Variants in PHC2 observed in about 807,000 individuals in gnomAD.
PHC2 encodes polyhomeotic homolog 2.
PHC2 carries 29 observed loss-of-function variants against 87.4 expected under a neutral mutation model. The ratio of observed to expected loss-of-function variants is 0.33; its 90% CI spans 0.25 to 0.45. The LOEUF is 0.45. Ranked by LOEUF, PHC2 falls within the 20% of genes least tolerant of loss-of-function variation. PHC2 has a pLI of 1.00. For synonymous variants in PHC2, 438 were observed against 461.7 expected, an observed-to-expected ratio of 0.95 and a Z score of 0.66; for missense variants, 857 against 1,136.7, an observed-to-expected ratio of 0.75 and a Z score of 3.54.
intron 1 of PHC2, among the ~76,000 whole-genome samples, chr1:33,399,657 G>T (rs1489215761): frequency 6.6e-6 from 1 of 152,074 alleles, no homozygotes; most frequent in Non-Finnish European, 1.5e-5. Flanking sequence ...CCACTCTTTT[G>T]AAATTTCTAT....
At chr1:33,335,714 A>T (rs1188387556) in intron 9 of PHC2, among the ~76,000 whole-genome samples, 1 of 152,176 alleles carries the variant, frequency 6.6e-6, no homozygotes, top group Admixed American at 6.5e-5. Context: ...AGCCTGGCCA[A>T]CATGGTGAAA....
intron 3 of PHC2, among the ~76,000 whole-genome samples, chr1:33,371,362 C>A (rs540867167): frequency 6.6e-6 from 1 of 152,168 alleles, no homozygotes; most frequent in African/African-American, 2.4e-5. Context: ...TATTAGGCCA[C>A]CGCCTTCGGT....
At chr1:33,372,591 C>A (rs61529623) in intron 2 of PHC2, 144 bp from the exon 3 acceptor site, 49,989 of 615,980 alleles carry the variant, frequency 0.081, 3,835 homozygotes, top group African/African-American at 0.31. Flanking sequence ...CCAATTGTGG[C>A]CACTCTCTAG....
intron 1 of PHC2, among the ~76,000 whole-genome samples, chr1:33,415,322 A>G (rs1026829772): frequency 6.6e-6 from 1 of 152,232 alleles, no homozygotes; most frequent in African/African-American, 2.4e-5. Context: ...GAGTTCTTAC[A>G]GGGCTGTAAA....
At position 33,379,941 on chromosome 1, in the gene PHC2, T is replaced by C. The variant is rs529227631; in HGVS notation, c.-54-4348A>G. Reference sequence around the variant, plus strand: ...CTCCAGCTCTCTCTCCTGTCGCTTGTAGTCTCCCCCTCCCTGAGCATCTGC... The same window carrying C: ...CTCCAGCTCTCTCTCCTGTCGCTTGCAGTCTCCCCCTCCCTGAGCATCTGC... On this transcript the variant is annotated intron_variant, in intron 1 of 14. Coordinates refer to ENST00000683057, the MANE Select transcript of PHC2 (RefSeq NM_001385109.1). Among the ~76,000 whole-genome samples, 501 of 152,276 alleles carry C rather than the reference T, an allele frequency of 3.3e-3. 4 individuals carry two copies. Among genetic ancestry groups the C allele is most frequent in the Non-Finnish European group, 5.1e-3 (346 of 68,010 alleles).
chr1:33,365,889 A>G (rs904540640), intron 7 of PHC2, among the ~76,000 whole-genome samples: 10 of 152,148 alleles, frequency 6.6e-5, no homozygotes, highest in Admixed American at 2.0e-4. Flanking sequence ...GTCAGGTCAC[A>G]TGCTCGTGCC....
intron 12 of PHC2, 67 bp from the exon 13 acceptor site, chr1:33,330,279 G>A: frequency 6.4e-7 from 1 of 1,556,530 alleles, no homozygotes; most frequent in Admixed American, 1.7e-5. Flanking sequence ...GGCAGAATGA[G>A]CACAGCCAAG....
intron 1 of PHC2, among the ~76,000 whole-genome samples, chr1:33,419,737 G>T (rs1650354429): frequency 6.6e-6 from 1 of 152,124 alleles, no homozygotes; most frequent in African/African-American, 2.4e-5. Context: ...AGCCTCCCGA[G>T]TAGCTGGGAC....
At chr1:33,419,953 C>T (rs1354537960) in intron 1 of PHC2, among the ~76,000 whole-genome samples, 1 of 152,012 alleles carries the variant, frequency 6.6e-6, no homozygotes, top group African/African-American at 2.4e-5. Context: ...TAGCGCCCAC[C>T]CAGATATAAC....
chr1:33,396,972 T>G (rs943613940), intron 1 of PHC2, among the ~76,000 whole-genome samples: 5 of 152,190 alleles, frequency 3.3e-5, no homozygotes, highest in African/African-American at 1.2e-4. Flanking sequence ...TGGTTTAGTG[T>G]TAACACGAGG....
At chr1:33,347,303 C>A in intron 9 of PHC2, 1 of 985,114 alleles carries the variant, frequency 1.0e-6, no homozygotes, top group Non-Finnish European at 1.2e-6. Flanking sequence ...CTGAAGGAGG[C>A]AGAGAATGCA....
intron 9 of PHC2, among the ~76,000 whole-genome samples, chr1:33,339,643 T>C (rs1446815184): frequency 6.6e-6 from 1 of 152,174 alleles, no homozygotes; most frequent in Non-Finnish European, 1.5e-5. Flanking sequence ...TGACGGGCTC[T>C]CCAGCCTGCT....
At chr1:33,400,342 C>T (rs1259266522) in intron 1 of PHC2, among the ~76,000 whole-genome samples, 1 of 152,242 alleles carries the variant, frequency 6.6e-6, no homozygotes, top group Non-Finnish European at 1.5e-5. Flanking sequence ...ATATTCACCA[C>T]TGCATTGTTT....
Position 33,332,454 on chromosome 1 carries a change from C to CCTTG in PHC2, c.1762-54_1762-51dup. 1 of 1,610,006 alleles carries CCTTG rather than the reference C, an allele frequency of 6.2e-7. No individual in the cohort carries two copies. The highest frequency in any genetic ancestry group is 1.1e-5 in the South Asian group (1 of 90,924). Reference sequence around the variant, plus strand: ...CGTGAGGGTCAGGTGGGAGCGGCTTCCTTGCTATCCATCCTCATCACAATT... The same window carrying CCTTG: ...CGTGAGGGTCAGGTGGGAGCGGCTTCCTTGCTTGCTATCCATCCTCATCACAATT... On this transcript the variant is annotated intron_variant, in intron 10 of 14. Coordinates refer to ENST00000683057, the MANE Select transcript of PHC2 (RefSeq NM_001385109.1). This position sits in a 1 kb window ranked among gnomAD's most constrained non-coding sequence, Gnocchi z 4.2.
chr1:33,365,324 G>A (rs779762237), intron 7 of PHC2, among the ~76,000 whole-genome samples: 3 of 152,192 alleles, frequency 2.0e-5, no homozygotes, highest in Non-Finnish European at 2.9e-5. Flanking sequence ...GTTTTCTTGA[G>A]AACTGAGTTG....
intron 7 of PHC2, chr1:33,359,214 TG>T (rs1484587910): frequency 8.5e-5 from 13 of 152,218 alleles, no homozygotes; most frequent in African/African-American, 3.1e-4. Context: ...AATGAATGAA[TG>T]AATGACAGAC....
intron 1 of PHC2, among the ~76,000 whole-genome samples, chr1:33,413,771 G>T (rs1650078311): frequency 6.6e-6 from 1 of 152,132 alleles, no homozygotes; most frequent in South Asian, 2.1e-4. Context: ...CTGCTTTATT[G>T]TTGTTTTGAT....
At chr1:33,389,101 C>T (rs1472741162) in intron 1 of PHC2, among the ~76,000 whole-genome samples, 2 of 151,240 alleles carry the variant, frequency 1.3e-5, no homozygotes, top group South Asian at 2.1e-4. Flanking sequence ...AACCCCCTCA[C>T]CTACAGATGA....
Position 33,364,422 on chromosome 1 carries a change from A to ACACACACACACACACG in PHC2, c.976+2693_976+2694insCGTGTGTGTGTGTGTG, listed in dbSNP as rs1276306678. 2.7e-5 allele frequency among the ~76,000 whole-genome samples: 4 copies of ACACACACACACACACG among 149,622 alleles called. No individual in the cohort carries two copies. The highest frequency in any genetic ancestry group is 2.7e-4 in the Admixed American group (4 of 15,028). The stretch of plus-strand genomic sequence containing the variant: ...CACACACACACACACACACACACAC[A>ACACACACACACACACG]CACGCTCAAGCACGCTCTTCTCTCC... On this transcript the variant is annotated intron_variant, in intron 7 of 14. Transcript: ENST00000683057. This position sits in a 1 kb window ranked among gnomAD's most constrained non-coding sequence, Gnocchi z 4.1.
Sources: gnomAD v4.1 joint callset for allele counts (sites outside exome capture counted in the v4.1 genomes callset) on GRCh38, gnomAD v4.1.1 for gene constraint, Gnocchi (gnomAD v3.1) non-coding constraint, MANE v1.5 for transcripts, NCBI Gene and HGNC (gene_info 2026-07-23, HGNC 2026-07-21) for gene names.